Variants in SERPINE2 observed in about 807,000 individuals in gnomAD.
SERPINE2 encodes serpin family E member 2, also known as glia-derived nexin.
In SERPINE2, 14 loss-of-function variants were observed where a neutral mutation model predicts 36.3. The ratio of observed to expected loss-of-function variants is 0.39; its 90% confidence interval spans 0.25 to 0.60. The LOEUF is 0.60. Ranked by LOEUF, SERPINE2 falls within the 20% of genes least tolerant of loss-of-function variation. The pLI is 0.57. For missense variants in SERPINE2, 418 were observed against 499.6 expected (o/e 0.84, Z 1.56); for synonymous variants, 192 against 191.8 (o/e 1.00, Z -0.01).
At chr2:224,022,326 T>C (rs975419713) in intron 1 of SERPINE2, among the ~76,000 whole-genome samples, 3 of 95,256 alleles carry the variant, frequency 3.1e-5, no homozygotes, top group South Asian at 9.0e-4. Context: ...AGTGAGACCC[T>C]GTCTCAAGAA....
chr2:224,017,074 T>C (rs962890848), intron 1 of SERPINE2, among the ~76,000 whole-genome samples: 13 of 152,130 alleles, frequency 8.5e-5, no homozygotes, highest in Non-Finnish European at 1.5e-4. Flanking sequence ...CACAAGTCCA[T>C]ACATGTGATA....
intron 1 of SERPINE2, among the ~76,000 whole-genome samples, chr2:224,035,987 A>G (rs1026812915): frequency 1.1e-5 from 1 of 93,960 alleles, no homozygotes; most frequent in Non-Finnish European, 2.5e-5. Context: ...CGGTGGAACC[A>G]CTGCCAAAAA....
intron 1 of SERPINE2, among the ~76,000 whole-genome samples, chr2:224,005,065 T>TCTATATATATA (rs1553547020): frequency 3.0e-5 from 1 of 33,560 alleles, no homozygotes; most frequent in Non-Finnish European, 6.4e-5. Flanking sequence ...TTTATATATA[T>TCTATATATATA]TATATATATA....
chr2:223,984,421 T>C (rs752881827), intron 5 of SERPINE2, among the ~76,000 whole-genome samples: 1 of 152,210 alleles, frequency 6.6e-6, no homozygotes, highest in Non-Finnish European at 1.5e-5. Context: ...CATACTATGA[T>C]GACACACGTG....
chr2:224,001,641 C>T lies in SERPINE2; in HGVS notation c.259+1G>A. ...GCCAGTGAGCAATTGTGCACACGCA[C>T]CATTTACGCCGTATCTCATCACCAT... On this transcript the variant is annotated splice_donor_variant, in intron 2 of 8. Coordinates refer to ENST00000409304, the MANE Select transcript of SERPINE2 (RefSeq NM_001136528.2). LOFTEE classifies it high-confidence loss of function. The T allele has an allele frequency of 6.2e-7, 1 of 1,612,560 alleles. No homozygotes were observed. Among genetic ancestry groups the T allele is most frequent in the Non-Finnish European group, 8.5e-7 (1 of 1,179,406 alleles).
At chr2:224,006,255 G>A (rs1691419602) in intron 1 of SERPINE2, among the ~76,000 whole-genome samples, 1 of 152,300 alleles carries the variant, frequency 6.6e-6, no homozygotes, top group African/African-American at 2.4e-5. Flanking sequence ...TCAACAGTTT[G>A]CTACCTGTTT....
Position 224,030,128 on chromosome 2 carries a change from T to C in SERPINE2, c.-23+8971A>G, listed in dbSNP as rs1314795993. ...AACACTGCTGTTTACATCTCACAAA[T>C]GCAAGGGTGGAGTCAGAAGGAGGTT... On this transcript the variant is annotated intron_variant, in intron 1 of 8. Coordinates refer to ENST00000409304, the MANE Select transcript of SERPINE2 (RefSeq NM_001136528.2). The C allele has an allele frequency of 4.1e-6, 4 of 985,292 alleles. No individual in the cohort carries two copies. In the East Asian group the frequency reaches 4.5e-4, roughly 112 times the overall value. The allele number at this position is 985,292 out of a possible 1,614,324, so 61.0% of individuals were successfully genotyped here. A position where few individuals can be genotyped will look rare whatever the true frequency, so the allele number is the denominator to read the frequency against.
At position 223,984,936 on chromosome 2, in the gene SERPINE2, G is replaced by T; in HGVS notation, c.700C>A (p.Pro234Thr). 1.2e-6 allele frequency: 2 copies of T among 1,614,108 alleles called. No individual in the cohort carries two copies. Among genetic ancestry groups the T allele is most frequent in the Non-Finnish European group, 1.7e-6 (2 of 1,180,008 alleles). The stretch of plus-strand genomic sequence containing the variant: ...ATGAAGTTGTACCATAAATCATTGG[G>T]GGCACTTGTCGACCCTAAAGAAATC... ...SVFRCGSTSAPNDLWYNFIEL... is the reference protein window; with the variant it reads ...SVFRCGSTSATNDLWYNFIEL... The change falls in exon 5 of 9, where the codon CCC (proline) becomes ACC (threonine). Residue 234 changes from proline to threonine, a missense_variant. Physicochemically the swap from Pro to Thr is conservative, Grantham distance 38. Transcript: ENST00000409304.
chr2:224,030,400 C>G (rs1334986221), intron 1 of SERPINE2: 1 of 187,994 alleles, frequency 5.3e-6, no homozygotes, highest in Non-Finnish European at 9.9e-6. Flanking sequence ...TTACCCAATG[C>G]CACAACCACA....
chr2:223,996,325 A>C (rs1229591295), intron 3 of SERPINE2, among the ~76,000 whole-genome samples: 1 of 152,158 alleles, frequency 6.6e-6, no homozygotes, highest in African/African-American at 2.4e-5. Context: ...TCACAAGCCT[A>C]CAGATGCCAG....
Position 224,013,452 on chromosome 2 carries a change from G to C in SERPINE2, c.-22-11530C>G, listed in dbSNP as rs532441672. On this transcript the variant is annotated intron_variant, in intron 1 of 8. Coordinates refer to ENST00000409304, the MANE Select transcript of SERPINE2 (RefSeq NM_001136528.2). ...GTTCACTTGCACTTTCCCTCTAGCTGGGTCCTGCTCCCTTTTCACGAGGAA... is the reference window on the plus strand; with the variant it reads ...GTTCACTTGCACTTTCCCTCTAGCTCGGTCCTGCTCCCTTTTCACGAGGAA... Among the ~76,000 whole-genome samples the C allele has an allele frequency of 7.2e-5, 11 of 152,294 alleles. No homozygotes were observed. In the East Asian group the frequency reaches 1.9e-3, roughly 27 times the overall value.
intron 1 of SERPINE2, among the ~76,000 whole-genome samples, chr2:224,003,327 G>A (rs1222180331): frequency 6.6e-6 from 1 of 152,180 alleles, no homozygotes; most frequent in Non-Finnish European, 1.5e-5. Flanking sequence ...AAAGGCACTG[G>A]GATTTCACTC....
At chr2:223,996,137 G>A (rs1183072873) in intron 3 of SERPINE2, among the ~76,000 whole-genome samples, 1 of 152,192 alleles carries the variant, frequency 6.6e-6, no homozygotes, top group Non-Finnish European at 1.5e-5. Context: ...ACACGTGGGG[G>A]TTTTCTCCAG....
chr2:224,005,065 T>TTATATATTTTTATATATATATATA (rs1553547022), intron 1 of SERPINE2, among the ~76,000 whole-genome samples: 7 of 33,568 alleles, frequency 2.1e-4, no homozygotes, highest in Admixed American at 3.6e-4. Flanking sequence ...TTTATATATA[T>TTATATATTTTTATATATATATATA]TATATATATA....
At chr2:223,987,514 G>A (rs1028950901) in intron 4 of SERPINE2, among the ~76,000 whole-genome samples, 5 of 152,288 alleles carry the variant, frequency 3.3e-5, no homozygotes, top group East Asian at 1.9e-4. Flanking sequence ...CTGGAAGGCA[G>A]ACTGAGTATT....
chr2:223,982,531 C>A, intron 6 of SERPINE2, 150 bp downstream of exon 6: 2 of 470,468 alleles, frequency 4.3e-6, no homozygotes, highest in Non-Finnish European at 7.5e-6. Flanking sequence ...TAAACGAAGG[C>A]CAATAGCATA....
chr2:223,994,784 T>G (rs942322086), intron 3 of SERPINE2, among the ~76,000 whole-genome samples: 7 of 152,122 alleles, frequency 4.6e-5, no homozygotes, highest in Non-Finnish European at 8.8e-5. Context: ...AAGTGCAGAG[T>G]CCTTTGCTAA....
chr2:223,975,962 G>C, intron 8 of SERPINE2, 58 bp from the exon 9 acceptor site: 1 of 1,463,550 alleles, frequency 6.8e-7, no homozygotes, highest in Middle Eastern at 1.8e-4. Flanking sequence ...CTTAAAATAA[G>C]ATGGAAGGTA....
intron 1 of SERPINE2, among the ~76,000 whole-genome samples, chr2:224,023,999 A>G (rs1243566237): frequency 2.6e-5 from 4 of 152,226 alleles, no homozygotes; most frequent in Non-Finnish European, 2.9e-5. Context: ...TGGGTACAAG[A>G]GGTGGGTGGT....
Sources: gnomAD v4.1 joint callset for allele counts (sites outside exome capture counted in the v4.1 genomes callset) on GRCh38, gnomAD v4.1.1 for gene constraint, MANE v1.5 for transcripts, NCBI Gene and HGNC (gene_info 2026-07-23, HGNC 2026-07-21) for gene names.